Variants in GLIS3 observed in about 807,000 individuals in gnomAD.
GLIS3 encodes the protein GLIS family zinc finger 3.
A neutral mutation model predicts 78.6 loss-of-function variants in GLIS3; 53 were observed. The observed-to-expected ratio is 0.67, with a 90% confidence interval of 0.54 to 0.85. The LOEUF is 0.85. GLIS3 is among the 40% of genes least tolerant of loss of function. The probability of loss-of-function intolerance (pLI) is 0.00; values close to 1 mark genes in which losing one functional copy is unlikely to be tolerated. For synonymous variants in GLIS3, 684 were observed against 509.9 expected (o/e 1.34, Z -4.60); for missense variants, 1,703 against 1,231.1 (o/e 1.38, Z -5.74).
chr9:4,383,405 T>C, the GLIS3 span, among the ~76,000 whole-genome samples: 2 of 152,240 alleles, frequency 1.3e-5, no homozygotes, highest in Admixed American at 1.3e-4. Flanking sequence ...TTATTCTTGA[T>C]TCATGGATAA....
At chr9:4,297,485 G>C (rs1202754060) in intron 1 of GLIS3, among the ~76,000 whole-genome samples, 3 of 152,184 alleles carry the variant, frequency 2.0e-5, no homozygotes, top group Non-Finnish European at 4.4e-5. Flanking sequence ...GGGAGCTGCA[G>C]AACTTCCCTC....
the GLIS3 span, among the ~76,000 whole-genome samples, chr9:4,354,616 G>A: frequency 1.3e-5 from 2 of 152,156 alleles, no homozygotes; most frequent in Non-Finnish European, 2.9e-5. Flanking sequence ...GCACTCACAT[G>A]GAACAGTGCA....
chr9:4,249,750 T>G (rs910027698), intron 2 of GLIS3, among the ~76,000 whole-genome samples: 10 of 152,188 alleles, frequency 6.6e-5, no homozygotes, highest in African/African-American at 2.4e-4. Context: ...ATATTGACTG[T>G]GGGTTTGTCA....
chr9:4,113,972 A>T (rs1441116796), intron 4 of GLIS3, among the ~76,000 whole-genome samples: 1 of 151,960 alleles, frequency 6.6e-6, no homozygotes, highest in Non-Finnish European at 1.5e-5. Context: ...CCTTTTTGCC[A>T]TTGGATAAAA....
chr9:4,099,399 A>G (rs1586663607), intron 4 of GLIS3, among the ~76,000 whole-genome samples: 1 of 151,958 alleles, frequency 6.6e-6, no homozygotes, highest in African/African-American at 2.4e-5. Context: ...CCTTGCCTTC[A>G]CCTTCACTTG....
chr9:4,090,649 G>A (rs932478792), intron 4 of GLIS3, among the ~76,000 whole-genome samples: 1 of 152,194 alleles, frequency 6.6e-6, no homozygotes, highest in Non-Finnish European at 1.5e-5. Context: ...ACAGGTTTAG[G>A]CTGAAATTAT....
At chr9:3,935,400 C>T (rs1588264599) in intron 5 of GLIS3, among the ~76,000 whole-genome samples, 1 of 151,906 alleles carries the variant, frequency 6.6e-6, no homozygotes, top group East Asian at 1.9e-4. Context: ...CAGGAAACCA[C>T]TATATTAGGT....
intron 2 of GLIS3, among the ~76,000 whole-genome samples, chr9:4,165,767 C>A (rs1304768907): frequency 1.3e-5 from 2 of 152,172 alleles, no homozygotes; most frequent in African/African-American, 2.4e-5. Flanking sequence ...AGAAATGGGG[C>A]TAGAACAAGT....
chr9:4,161,079 T>TAAAAAA (rs59854446), intron 2 of GLIS3, among the ~76,000 whole-genome samples: 1 of 135,824 alleles, frequency 7.4e-6, no homozygotes. Context: ...CCCCATCTCT[T>TAAAAAA]AAAAAAAAAA....
At chr9:3,881,149 T>G (rs1234428846) in intron 7 of GLIS3, among the ~76,000 whole-genome samples, 1 of 152,138 alleles carries the variant, frequency 6.6e-6, no homozygotes, top group Non-Finnish European at 1.5e-5. Flanking sequence ...AGAAGGCTGT[T>G]TGGATTGACT....
intron 4 of GLIS3, among the ~76,000 whole-genome samples, chr9:4,023,310 T>G (rs1823039428): frequency 6.6e-6 from 1 of 152,172 alleles, no homozygotes; most frequent in Non-Finnish European, 1.5e-5. Flanking sequence ...CAACACAGCA[T>G]TAGGCAGGGA....
intron 6 of GLIS3, among the ~76,000 whole-genome samples, chr9:3,928,573 G>T (rs1485660612): frequency 6.6e-6 from 1 of 152,168 alleles, no homozygotes; most frequent in Non-Finnish European, 1.5e-5. Context: ...GAGAGGTGGT[G>T]GTGGCTCTGA....
intron 2 of GLIS3, among the ~76,000 whole-genome samples, chr9:4,138,346 A>T (rs1833561825): frequency 6.6e-6 from 1 of 152,198 alleles, no homozygotes; most frequent in Non-Finnish European, 1.5e-5. Context: ...TTGGTCAAAG[A>T]TCTTACAACC....
At chr9:4,298,263 C>G (rs1251466067) in intron 1 of GLIS3, 1 of 354,092 alleles carries the variant, frequency 2.8e-6, no homozygotes, top group Admixed American at 3.3e-5. Context: ...CGGTCCCCGC[C>G]GAGCCAGTGT....
the GLIS3 span, among the ~76,000 whole-genome samples, chr9:4,390,738 G>C: frequency 6.6e-6 from 1 of 152,254 alleles, no homozygotes; most frequent in South Asian, 2.1e-4. Flanking sequence ...CTGTGGGACA[G>C]GACAGATACT....
At chr9:3,835,942 G>T (rs1002668554) in intron 9 of GLIS3, among the ~76,000 whole-genome samples, 1 of 152,138 alleles carries the variant, frequency 6.6e-6, no homozygotes, top group Non-Finnish European at 1.5e-5. Flanking sequence ...ATATAAATGA[G>T]AAATCAAGTA....
intron 4 of GLIS3, among the ~76,000 whole-genome samples, chr9:4,088,175 A>G (rs1202982533): frequency 6.6e-6 from 1 of 152,250 alleles, no homozygotes; most frequent in Non-Finnish European, 1.5e-5. Flanking sequence ...AAGGAGATGA[A>G]AAAAGAGAGA....
the GLIS3 span, among the ~76,000 whole-genome samples, chr9:4,388,062 A>C: frequency 2.0e-5 from 3 of 152,222 alleles, no homozygotes; most frequent in African/African-American, 7.2e-5. Context: ...ATTATGAGGC[A>C]ACACATGTAC....
chr9:4,107,699 C>G (rs1420745532), intron 4 of GLIS3, among the ~76,000 whole-genome samples: 2 of 151,234 alleles, frequency 1.3e-5, no homozygotes, highest in East Asian at 1.9e-4. Context: ...CAGAGACAAT[C>G]CAGAGCAATG....
Sources: gnomAD v4.1 joint callset for allele counts (sites outside exome capture counted in the v4.1 genomes callset) on GRCh38, gnomAD v4.1.1 for gene constraint, MANE v1.5 for transcripts, NCBI Gene and HGNC (gene_info 2026-07-23, HGNC 2026-07-21) for gene names.